The following SPEF2 variants were observed in gnomAD, a reference collection of about 807,000 sequenced individuals.
The protein encoded by SPEF2 is sperm flagellar and cilia associated 2, also known as sperm flagella and cilia-associated protein 2.
A neutral mutation model predicts 224.6 loss-of-function variants in SPEF2; 187 were observed. The observed-to-expected ratio is 0.83, with a 90% CI of 0.74 to 0.94. SPEF2 has a LOEUF of 0.94. SPEF2 is among the 40% of genes least tolerant of loss of function. SPEF2 has a pLI of 0.00. For missense variants in SPEF2, 2,170 were observed against 2,135.6 expected, an observed-to-expected ratio of 1.02 and a Z score of -0.32; for synonymous variants, 715 against 707.3, an observed-to-expected ratio of 1.01 and a Z score of -0.17.
Position 35,641,616 on chromosome 5 carries a change from A to G in SPEF2, c.347A>G (p.Glu116Gly). 6.2e-7 allele frequency: 1 copy of G among 1,613,754 alleles called. No homozygotes were observed. The highest frequency in any genetic ancestry group is 1.1e-5 in the South Asian group (1 of 91,074). Reference protein sequence around the residue: ...KKKKSGLTGVEMQTMQRLTNL... With the variant: ...KKKKSGLTGVGMQTMQRLTNL... Reference sequence around the variant, plus strand: ...AAGAAAAGTGGACTGACTGGAGTGGAGATGCAAACCATGCAACGTCTGACA... The same window carrying G: ...AAGAAAAGTGGACTGACTGGAGTGGGGATGCAAACCATGCAACGTCTGACA... The change falls in exon 3 of 37, where the codon GAG becomes GGG. Residue 116 changes from glutamate (E) to glycine (G), a missense_variant. Coordinates refer to ENST00000356031, the MANE Select transcript of SPEF2 (RefSeq NM_024867.4).
chr5:35,664,130 C>T (rs1363976032), intron 8 of SPEF2, among the ~76,000 whole-genome samples: 2 of 152,098 alleles, frequency 1.3e-5, no homozygotes, highest in African/African-American at 4.8e-5. Context: ...CTAGGTCAGG[C>T]CTCATACCCC....
intron 4 of SPEF2, among the ~76,000 whole-genome samples, chr5:35,646,056 TTTTTC>T (rs1265395495): frequency 6.6e-6 from 1 of 152,184 alleles, no homozygotes; most frequent in African/African-American, 2.4e-5. Flanking sequence ...TTTCAGTCAC[TTTTTC>T]TTTTCAAATA....
At chr5:35,630,516 G>A (rs1744931336) in intron 2 of SPEF2, among the ~76,000 whole-genome samples, 1 of 152,102 alleles carries the variant, frequency 6.6e-6, no homozygotes, top group African/African-American at 2.4e-5. Context: ...CTAACACGGT[G>A]AAACCCCGTC....
In SPEF2 at chr5:35,792,407, C is replaced by A. The variant is rs559635366; in HGVS notation, c.4515C>A (p.Asn1505Lys). 5.0e-6 allele frequency: 8 copies of A among 1,613,794 alleles called. No individual in the cohort carries two copies. Among genetic ancestry groups the A allele is most frequent in the African/African-American group, 1.3e-5 (1 of 75,024 alleles). The change falls in exon 31 of 37, where the codon AAC becomes AAA. Residue 1505 changes from asparagine to lysine, a missense_variant. Physicochemically the swap from Asn to Lys is moderately conservative, Grantham distance 94 (BLOSUM62 0). Coordinates refer to ENST00000356031, the MANE Select transcript of SPEF2 (RefSeq NM_024867.4). ...TGGTGACCCTGAACCTTGGCACAAA[C>A]AACTTTCCTAGTAATTGGATGCACC... ...IDLVTLNLGT[N>K]NFPSNWMHLT...
chr5:35,655,395 AT>A (rs1748833915), intron 7 of SPEF2, among the ~76,000 whole-genome samples: 1 of 152,228 alleles, frequency 6.6e-6, no homozygotes, highest in Non-Finnish European at 1.5e-5. Flanking sequence ...GCCCAGAGAT[AT>A]GACAGAGAGC....
intron 36 of SPEF2, among the ~76,000 whole-genome samples, chr5:35,810,550 G>T (rs1487724511): frequency 6.6e-6 from 1 of 152,170 alleles, no homozygotes; most frequent in Non-Finnish European, 1.5e-5. Flanking sequence ...AATGTTAACT[G>T]AAGTACTATT....
intron 23 of SPEF2, among the ~76,000 whole-genome samples, chr5:35,752,721 C>T (rs1749849448): frequency 6.6e-6 from 1 of 152,216 alleles, no homozygotes; most frequent in African/African-American, 2.4e-5. Flanking sequence ...ATTCTGGCTC[C>T]ACCACTTAAT....
chr5:35,651,653 TA>T (rs1748201570), intron 6 of SPEF2, among the ~76,000 whole-genome samples: 5 of 152,206 alleles, frequency 3.3e-5, no homozygotes. Flanking sequence ...AATCTTAGCT[TA>T]GAATCAAGAA....
At position 35,776,302 on chromosome 5, in the gene SPEF2, T is replaced by TG; in HGVS notation, c.4126dup (p.Ala1376GlyfsTer4). ...CTTGAACTGATAAAGACAAAAGCATTGGCTCTTCTTGAAGATTTAGTAACA... is the reference window on the plus strand; with the variant it reads ...CTTGAACTGATAAAGACAAAAGCATTGGGCTCTTCTTGAAGATTTAGTAACA... On this transcript the variant is annotated frameshift_variant, in exon 29 of 37. Transcript: ENST00000356031. LOFTEE classifies it high-confidence loss of function. 1 of 1,612,438 alleles carries TG rather than the reference T, an allele frequency of 6.2e-7. No individual in the cohort carries two copies. The highest frequency in any genetic ancestry group is 8.5e-7 in the Non-Finnish European group (1 of 1,179,298).
At position 35,813,799 on chromosome 5, in the gene SPEF2, A is replaced by T. The variant is rs192256406; in HGVS notation, c.5380-665A>T. Reference sequence around the variant, plus strand: ...ACTCAGCTCTGAGGAAAAGGAACTTATATTGTTAAAATACTTCTCTAAAAT... The same window carrying T: ...ACTCAGCTCTGAGGAAAAGGAACTTTTATTGTTAAAATACTTCTCTAAAAT... On this transcript the variant is annotated intron_variant, in intron 36 of 36. Coordinates refer to ENST00000356031, the MANE Select transcript of SPEF2 (RefSeq NM_024867.4). 3.8e-3 allele frequency among the ~76,000 whole-genome samples: 571 copies of T among 151,470 alleles called. 1 individual carries two copies. Among genetic ancestry groups the T allele is most frequent in the Non-Finnish European group, 4.7e-3 (320 of 67,922 alleles).
At position 35,675,496 on chromosome 5, in the gene SPEF2, T is replaced by C. The variant is rs542618190; in HGVS notation, c.1524+5269T>C. On this transcript the variant is annotated intron_variant, in intron 10 of 36. Transcript: ENST00000356031. Reference sequence around the variant, plus strand: ...TGGTAAGGCTATGGCTTTTGTAGACTAAGCCTCATTGTATCTTGGTTGGTT... The same window carrying C: ...TGGTAAGGCTATGGCTTTTGTAGACCAAGCCTCATTGTATCTTGGTTGGTT... 5.1e-5 allele frequency: 8 copies of C among 157,846 alleles called. No homozygotes were observed. The South Asian group carries it at 1.5e-3, about 29-fold the overall frequency. The allele number at this position is 157,846 out of a possible 1,614,324, so 9.8% of individuals were successfully genotyped here. A position where few individuals can be genotyped will look rare whatever the true frequency, so the allele number is the denominator to read the frequency against.
chr5:35,751,809 A>G (rs1029236967), intron 23 of SPEF2, among the ~76,000 whole-genome samples: 7 of 152,204 alleles, frequency 4.6e-5, no homozygotes, highest in Non-Finnish European at 1.0e-4. Context: ...CATTGAAATT[A>G]TAGGCAAGAA....
At chr5:35,625,738 A>G (rs1190175255) in intron 1 of SPEF2, among the ~76,000 whole-genome samples, 1 of 152,208 alleles carries the variant, frequency 6.6e-6, no homozygotes, top group Non-Finnish European at 1.5e-5. Flanking sequence ...CAACAGACAG[A>G]AGAGGTGAAA....
intron 34 of SPEF2, among the ~76,000 whole-genome samples, chr5:35,802,221 G>A (rs1437724773): frequency 6.6e-6 from 1 of 152,044 alleles, no homozygotes; most frequent in Non-Finnish European, 1.5e-5. Flanking sequence ...CAAAGGATCC[G>A]AGGCCTCCCC....
chr5:35,707,572 G>A (rs946252853), intron 18 of SPEF2, among the ~76,000 whole-genome samples: 4 of 152,118 alleles, frequency 2.6e-5, no homozygotes, highest in Non-Finnish European at 5.9e-5. Flanking sequence ...GGCAATCGTC[G>A]CCAGTGGTAC....
intron 5 of SPEF2, among the ~76,000 whole-genome samples, chr5:35,647,215 T>C (rs1200788580): frequency 6.6e-6 from 1 of 151,824 alleles, no homozygotes; most frequent in East Asian, 1.9e-4. Context: ...TTTCTGAAGG[T>C]TGGAAGATTC....
chr5:35,753,791 C>T lies in SPEF2; in HGVS notation c.3468+30C>T, dbSNP rs370282078. 20 of 1,612,910 alleles carry T rather than the reference C, an allele frequency of 1.2e-5. No individual in the cohort carries two copies. In the East Asian group the frequency reaches 3.1e-4, roughly 25 times the overall value. On this transcript the variant is annotated intron_variant, in intron 24 of 36. Coordinates refer to ENST00000356031, the MANE Select transcript of SPEF2 (RefSeq NM_024867.4). ...GAGCAGCTGGTCACAATAACCCAGGCACTTCCCTTCACAGCCTCATTCCTC... is the reference window on the plus strand; with the variant it reads ...GAGCAGCTGGTCACAATAACCCAGGTACTTCCCTTCACAGCCTCATTCCTC...
chr5:35,789,641 C>T (rs1228350654), intron 30 of SPEF2: 3 of 629,246 alleles, frequency 4.8e-6, no homozygotes, highest in Admixed American at 2.8e-5. Context: ...GAGATGCCAG[C>T]CAAAATGTGG....
At chr5:35,789,016 T>C (rs1755583068) in intron 30 of SPEF2, 1 of 694,748 alleles carries the variant, frequency 1.4e-6, no homozygotes, top group South Asian at 1.5e-5. Flanking sequence ...CTGCAATTGT[T>C]CGGCAACTGC....
Sources: allele counts gnomAD v4.1 joint callset (sites outside exome capture counted in the v4.1 genomes callset), GRCh38; gene constraint gnomAD v4.1.1; transcripts MANE v1.5; gene names NCBI Gene and HGNC (gene_info 2026-07-23, HGNC 2026-07-21).